Variants in CDYL observed in about 807,000 individuals in gnomAD.
CDYL encodes chromodomain Y-like protein.
CDYL carries 8 observed loss-of-function variants against 47.3 expected under a neutral mutation model. That is an observed-to-expected ratio of 0.17 (90% CI 0.10 to 0.31). CDYL has a LOEUF of 0.31. CDYL is among the 10% of genes least tolerant of loss of function. The pLI, the probability that CDYL is intolerant of heterozygous loss-of-function variation, is 1.00. For synonymous variants in CDYL, 266 were observed against 265.0 expected, an observed-to-expected ratio of 1.00 and a Z score of -0.04; for missense variants, 471 against 701.4, an observed-to-expected ratio of 0.67 and a Z score of 3.71.
intron 3 of CDYL, among the ~76,000 whole-genome samples, chr6:4,752,766 CG>C (rs1294664694): frequency 5.9e-5 from 9 of 151,878 alleles, no homozygotes; most frequent in Admixed American, 3.3e-4. Flanking sequence ...CATCACATGG[CG>C]GCGAGGACCA....
intron 2 of CDYL, among the ~76,000 whole-genome samples, chr6:4,717,269 G>A (rs1029645611): frequency 9.2e-5 from 14 of 152,232 alleles, no homozygotes; most frequent in African/African-American, 2.4e-4. Flanking sequence ...TTCCTGTTCC[G>A]CCTACTGGGA....
At chr6:4,777,228 G>C (rs61531947) in intron 1 of CDYL, among the ~76,000 whole-genome samples, 1 of 151,536 alleles carries the variant, frequency 6.6e-6, no homozygotes, top group Non-Finnish European at 1.5e-5. Context: ...CCCCTGGTCG[G>C]GGGGTGGCGG....
intron 2 of CDYL, among the ~76,000 whole-genome samples, chr6:4,896,405 C>T (rs2127490193): frequency 6.6e-6 from 1 of 152,344 alleles, no homozygotes; most frequent in African/African-American, 2.4e-5. Flanking sequence ...AGAATGGTGC[C>T]TGCCGTGTAG....
intron 1 of CDYL, among the ~76,000 whole-genome samples, chr6:4,862,773 C>G (rs981187990): frequency 3.9e-5 from 6 of 152,200 alleles, no homozygotes; most frequent in Non-Finnish European, 2.9e-5. Context: ...AGGTGGTCCA[C>G]TTGGTTAAGA....
chr6:4,776,207 T>TCCTGCCGGCTC (rs1758440974), upstream of CDYL, among the ~76,000 whole-genome samples: 1 of 81,158 alleles, frequency 1.2e-5, no homozygotes, highest in Non-Finnish European at 2.4e-5. Flanking sequence ...CTCCTCCCCT[T>TCCTGCCGGCTC]CCTGCCGGCT....
At chr6:4,816,996 G>T (rs1410694533) in intron 1 of CDYL, among the ~76,000 whole-genome samples, 1 of 152,198 alleles carries the variant, frequency 6.6e-6, no homozygotes, top group East Asian at 1.9e-4. Context: ...AACAGTGTTT[G>T]TGTCCTGCTT....
intron 1 of CDYL, among the ~76,000 whole-genome samples, chr6:4,813,380 A>G (rs756727729): frequency 2.4e-4 from 37 of 152,174 alleles, no homozygotes; most frequent in Non-Finnish European, 1.0e-4. Context: ...TTACTTTTTA[A>G]AATCATGAGT....
At chr6:4,842,051 A>G (rs1035806794) in intron 1 of CDYL, among the ~76,000 whole-genome samples, 1 of 144,724 alleles carries the variant, frequency 6.9e-6, no homozygotes, top group Non-Finnish European at 1.5e-5. Context: ...TATATATTAT[A>G]TTAATATTCA....
intron 1 of CDYL, among the ~76,000 whole-genome samples, chr6:4,834,278 A>G (rs1335770828): frequency 6.6e-6 from 1 of 151,940 alleles, no homozygotes; most frequent in Non-Finnish European, 1.5e-5. Flanking sequence ...GGTGGTGACA[A>G]AATCTCTCAG....
At chr6:4,736,685 T>G (rs1411525432) in intron 3 of CDYL, among the ~76,000 whole-genome samples, 4 of 152,088 alleles carry the variant, frequency 2.6e-5, no homozygotes, top group Admixed American at 1.3e-4. Flanking sequence ...CTACGCACTT[T>G]ATTAGCAACT....
upstream of CDYL, among the ~76,000 whole-genome samples, chr6:4,773,338 G>C (rs944307484): frequency 6.6e-6 from 1 of 152,106 alleles, no homozygotes; most frequent in Non-Finnish European, 1.5e-5. This position sits in a 1 kb window ranked among gnomAD's most constrained non-coding sequence, Gnocchi z 4.6. Flanking sequence ...TGTGCTTAGG[G>C]GATGTGATTT....
At chr6:4,949,881 C>T (rs1298855513) in intron 5 of CDYL, among the ~76,000 whole-genome samples, 1 of 152,206 alleles carries the variant, frequency 6.6e-6, no homozygotes, top group Non-Finnish European at 1.5e-5. Context: ...GCTTTAACAA[C>T]CTAGCGTGAG....
chr6:4,726,531 CAAAAAA>C (rs58148317), intron 2 of CDYL, among the ~76,000 whole-genome samples: 9 of 100,368 alleles, frequency 9.0e-5, no homozygotes, highest in Admixed American at 2.2e-4. Context: ...GACTCTGTCT[CAAAAAA>C]AAAAAAAAAA....
chr6:4,848,572 G>A (rs943704274), intron 1 of CDYL, among the ~76,000 whole-genome samples: 2 of 152,238 alleles, frequency 1.3e-5, no homozygotes, highest in Admixed American at 1.3e-4. Flanking sequence ...GAGAGAGTCT[G>A]CACTGCATCA....
At chr6:4,863,424 A>G (rs1454079206) in intron 1 of CDYL, among the ~76,000 whole-genome samples, 3 of 152,198 alleles carry the variant, frequency 2.0e-5, no homozygotes, top group African/African-American at 7.2e-5. Context: ...AAAATAGAAA[A>G]AATCGAGTCA....
chr6:4,946,978 A>C (rs945642652), intron 5 of CDYL, among the ~76,000 whole-genome samples: 1 of 152,108 alleles, frequency 6.6e-6, no homozygotes, highest in Non-Finnish European at 1.5e-5. Context: ...TCTCCTGGGA[A>C]CCTAGCAGGG....
At chr6:4,792,136 C>G (rs1758940696) in intron 1 of CDYL, among the ~76,000 whole-genome samples, 2 of 151,532 alleles carry the variant, frequency 1.3e-5, no homozygotes, top group South Asian at 2.1e-4. Flanking sequence ...TCGTGATCCA[C>G]CCGCCTCGGC....
chr6:4,768,989 G>A (rs146836480), intron 3 of CDYL, among the ~76,000 whole-genome samples: 13 of 152,192 alleles, frequency 8.5e-5, no homozygotes, highest in African/African-American at 2.9e-4. Context: ...TTCTGCAAAC[G>A]TTTCACAAAA....
intron 5 of CDYL, among the ~76,000 whole-genome samples, chr6:4,945,830 G>T (rs753724952): frequency 7.0e-4 from 107 of 152,240 alleles, no homozygotes; most frequent in Admixed American, 1.5e-3. Flanking sequence ...CCCTGACATG[G>T]TCTTTGCTGT....
Sources: gnomAD v4.1 joint callset for allele counts (sites outside exome capture counted in the v4.1 genomes callset) on GRCh38, gnomAD v4.1.1 for gene constraint, Gnocchi (gnomAD v3.1) non-coding constraint, MANE v1.5 for transcripts, NCBI Gene and HGNC (gene_info 2026-07-23, HGNC 2026-07-21) for gene names.